Variants in CHRDL1 observed in about 807,000 individuals in gnomAD.
CHRDL1 encodes chordin like 1, also known as chordin-like protein 1.
In CHRDL1, 19 loss-of-function variants were observed where a neutral mutation model predicts 40.9. The observed-to-expected ratio is 0.46, with a 90% CI of 0.32 to 0.68. CHRDL1 has a LOEUF of 0.68. CHRDL1 is among the 30% of genes least tolerant of loss of function. The pLI, the probability that CHRDL1 is intolerant of heterozygous loss-of-function variation, is 0.03. For missense variants in CHRDL1, 329 were observed against 352.1 expected, an observed-to-expected ratio of 0.93 and a Z score of 0.53; for synonymous variants, 136 against 123.4, an observed-to-expected ratio of 1.10 and a Z score of -0.68.
chrX:110,758,743 C>T (rs746137608), intron 4 of CHRDL1, among the ~76,000 whole-genome samples: 3 of 111,806 alleles, frequency 2.7e-5, no homozygotes, highest in Non-Finnish European at 5.6e-5. Flanking sequence ...AATAAAGCTG[C>T]GGATGTTCTC....
intron 2 of CHRDL1, among the ~76,000 whole-genome samples, chrX:110,780,258 A>AAG (rs2148529477): frequency 9.0e-6 from 1 of 111,411 alleles, no homozygotes; most frequent in African/African-American, 3.2e-5. Context: ...GACAACCTCC[A>AAG]AGATCACTAT....
intron 4 of CHRDL1, among the ~76,000 whole-genome samples, chrX:110,759,374 A>G (rs1220249657): frequency 8.9e-6 from 1 of 112,546 alleles, no homozygotes; most frequent in African/African-American, 3.2e-5. Context: ...GGCTGCTTAT[A>G]GCAGAAAATC....
At position 110,688,515 on chromosome X, in the gene CHRDL1, T is replaced by A. The variant is rs144368956; in HGVS notation, c.988+79A>T. 136 of 628,559 alleles carry A rather than the reference T, an allele frequency of 2.2e-4. No individual in the cohort carries two copies. In the African/African-American group the frequency reaches 2.6e-3, roughly 12 times the overall value. The allele number at this position is 628,559 out of a possible 1,213,427, so 51.8% of individuals were successfully genotyped here. On this transcript the variant is annotated intron_variant, in intron 9 of 11. Transcript: ENST00000372042. Reference sequence around the variant, plus strand: ...CATTACAATTATATGAAAGGTTATGTTTCTGATGCCTAAAGAAAGTTTAGA... The same window carrying A: ...CATTACAATTATATGAAAGGTTATGATTCTGATGCCTAAAGAAAGTTTAGA...
In CHRDL1 at chrX:110,719,927, T is replaced by C. The variant is rs1442594237; in HGVS notation, c.449A>G (p.Glu150Gly). 1 of 1,157,467 alleles carries C rather than the reference T, an allele frequency of 8.6e-7. No individual in the cohort carries two copies. Among genetic ancestry groups the C allele is most frequent in the Admixed American group, 2.2e-5 (1 of 45,392 alleles). The change falls in exon 6 of 12, where the codon GAG becomes GGG. Residue 150 changes from glutamate to glycine, a missense_variant and splice_region_variant. Glu to Gly is a moderately conservative substitution (Grantham distance 98). Transcript: ENST00000372042. ...PNQCTQCSCS[E>G]GNVYCGLKTC... Reference sequence around the variant, plus strand: ...CTTGAGACCACAATACACGTTTCCCTCCTGCCAAGGAGAAACAGAATTAAG... The same window carrying C: ...CTTGAGACCACAATACACGTTTCCCCCCTGCCAAGGAGAAACAGAATTAAG...
chrX:110,725,262 T>C (rs193066377), intron 4 of CHRDL1, among the ~76,000 whole-genome samples: 1 of 111,912 alleles, frequency 8.9e-6, no homozygotes, highest in Admixed American at 9.4e-5. Context: ...GCTCAGAAAA[T>C]ACCCCCTTAT....
intron 8 of CHRDL1, among the ~76,000 whole-genome samples, chrX:110,689,630 C>A (rs868696951): frequency 2.9e-5 from 1 of 33,947 alleles, no homozygotes; most frequent in East Asian, 4.6e-4. Flanking sequence ...ATCTATATAT[C>A]TATATATCTA....
chrX:110,723,675 C>T (rs765525647), intron 4 of CHRDL1, among the ~76,000 whole-genome samples: 6 of 111,896 alleles, frequency 5.4e-5, no homozygotes, highest in Non-Finnish European at 9.4e-5. Flanking sequence ...AAAACCAAAA[C>T]CCAAACCACT....
chrX:110,716,995 C>T (rs2070854786), intron 6 of CHRDL1, among the ~76,000 whole-genome samples: 1 of 111,632 alleles, frequency 9.0e-6, no homozygotes, highest in Non-Finnish European at 1.9e-5. Context: ...AAATTGGTTG[C>T]TTTTCCACTG....
intron 2 of CHRDL1, among the ~76,000 whole-genome samples, chrX:110,764,503 A>C (rs1166636341): frequency 8.9e-6 from 1 of 112,322 alleles, no homozygotes. Flanking sequence ...AAGGATGTAC[A>C]TCACCTCAGT....
At chrX:110,692,583 G>C (rs2070301554) in intron 8 of CHRDL1, among the ~76,000 whole-genome samples, 1 of 112,162 alleles carries the variant, frequency 8.9e-6, no homozygotes, top group African/African-American at 3.2e-5. Flanking sequence ...ACAGCAAATG[G>C]AATCTATTGG....
chrX:110,788,088 T>C (rs960555603), intron 2 of CHRDL1, among the ~76,000 whole-genome samples: 47 of 112,567 alleles, frequency 4.2e-4, no homozygotes, highest in African/African-American at 1.4e-3. Flanking sequence ...CAGAGCATAA[T>C]GGAGTTATAC....
At chrX:110,793,944 A>T (rs189974375) in intron 1 of CHRDL1, among the ~76,000 whole-genome samples, 50 of 112,469 alleles carry the variant, frequency 4.4e-4, no homozygotes, top group Non-Finnish European at 7.9e-4. Context: ...CTAGAGAGCA[A>T]TTAATCTCCT....
chrX:110,790,215 C>G (rs1054690418), intron 2 of CHRDL1, among the ~76,000 whole-genome samples: 2 of 111,854 alleles, frequency 1.8e-5, no homozygotes, highest in African/African-American at 6.5e-5. Context: ...CAGTGGCTCA[C>G]TAAGGGAAGG....
intron 2 of CHRDL1, among the ~76,000 whole-genome samples, chrX:110,789,671 C>T (rs2090068957): frequency 9.0e-6 from 1 of 111,372 alleles, no homozygotes; most frequent in Non-Finnish European, 1.9e-5. Flanking sequence ...ATATAATATC[C>T]TATTTTTGTA....
intron 2 of CHRDL1, among the ~76,000 whole-genome samples, chrX:110,774,421 T>C (rs769472951): frequency 3.8e-4 from 42 of 111,456 alleles, no homozygotes; most frequent in African/African-American, 1.4e-3. Context: ...AAATATCACA[T>C]GATCCCACTT....
chrX:110,781,381 A>G, intron 2 of CHRDL1, among the ~76,000 whole-genome samples: 1 of 111,547 alleles, frequency 9.0e-6, no homozygotes, highest in Non-Finnish European at 1.9e-5. Context: ...GTCTGGGGCC[A>G]CTAAAACTTG....
intron 4 of CHRDL1, among the ~76,000 whole-genome samples, chrX:110,739,160 T>C (rs2071317874): frequency 8.9e-6 from 1 of 112,215 alleles, no homozygotes; most frequent in Admixed American, 9.4e-5. Context: ...CAGTGCTCTG[T>C]AAGGGGAAAA....
chrX:110,765,668 T>C (rs1294393885), intron 2 of CHRDL1, among the ~76,000 whole-genome samples: 2 of 111,840 alleles, frequency 1.8e-5, no homozygotes, highest in South Asian at 3.8e-4. Context: ...CCTATTTTTA[T>C]ACCAGTACCA....
At chrX:110,715,777 T>C (rs1338132199) in intron 6 of CHRDL1, among the ~76,000 whole-genome samples, 4 of 112,651 alleles carry the variant, frequency 3.6e-5, no homozygotes, top group Non-Finnish European at 7.5e-5. Flanking sequence ...AACAGCTGGA[T>C]TATAGTGACC....
Sources: gnomAD v4.1 joint callset for allele counts (sites outside exome capture counted in the v4.1 genomes callset) on GRCh38, gnomAD v4.1.1 for gene constraint, MANE v1.5 for transcripts, NCBI Gene and HGNC (gene_info 2026-07-23, HGNC 2026-07-21) for gene names.